The following PPARGC1A variants were observed in gnomAD, a reference collection of about 807,000 sequenced individuals.
The protein encoded by PPARGC1A is peroxisome proliferator-activated receptor gamma coactivator 1-alpha.
In PPARGC1A, 25 loss-of-function variants were observed where a neutral mutation model predicts 88.7. That is an observed-to-expected ratio of 0.28 (90% confidence interval 0.21 to 0.39). The LOEUF is 0.39. PPARGC1A is among the 10% of genes least tolerant of loss of function. PPARGC1A has a pLI of 1.00. For missense variants in PPARGC1A, 880 were observed against 968.7 expected, an observed-to-expected ratio of 0.91 and a Z score of 1.22; for synonymous variants, 363 against 355.6, an observed-to-expected ratio of 1.02 and a Z score of -0.24.
At chr4:24,469,782 T>C in the PPARGC1A span, among the ~76,000 whole-genome samples, 1 of 152,112 alleles carries the variant, frequency 6.6e-6, no homozygotes, top group Non-Finnish European at 1.5e-5. Context: ...CCGGTAGTTT[T>C]CCTCTTTTTA....
At chr4:24,448,710 C>T in the PPARGC1A span, among the ~76,000 whole-genome samples, 13 of 152,134 alleles carry the variant, frequency 8.5e-5, no homozygotes, top group African/African-American at 2.2e-4. Context: ...AGGTTAATCA[C>T]GACCTTTCCA....
the PPARGC1A span, among the ~76,000 whole-genome samples, chr4:24,466,985 A>G: frequency 2.3e-3 from 319 of 136,218 alleles, 7 homozygotes; most frequent in Middle Eastern, 0.011. Flanking sequence ...AAAGAAAGAA[A>G]GGAGGGAGGG....
the PPARGC1A span, among the ~76,000 whole-genome samples, chr4:24,454,742 A>AG: frequency 7.7e-4 from 117 of 152,102 alleles, no homozygotes; most frequent in African/African-American, 2.6e-3. Context: ...TGTCTCAAAA[A>AG]AAAAAAAATC....
chr4:24,329,462 T>C, the PPARGC1A span, among the ~76,000 whole-genome samples: 1 of 152,038 alleles, frequency 6.6e-6, no homozygotes, highest in Non-Finnish European at 1.5e-5. Flanking sequence ...TCAACCACAA[T>C]GGCCACCACT....
At chr4:24,395,184 C>T in the PPARGC1A span, among the ~76,000 whole-genome samples, 1 of 151,810 alleles carries the variant, frequency 6.6e-6, no homozygotes, top group African/African-American at 2.4e-5. Context: ...TAAAAACCCT[C>T]CCAAAGGAAA....
the PPARGC1A span, among the ~76,000 whole-genome samples, chr4:24,314,254 T>C: frequency 2.6e-5 from 4 of 152,194 alleles, no homozygotes; most frequent in Non-Finnish European, 5.9e-5. Context: ...TGAATGTTCT[T>C]GTCCCCTCCA....
chr4:24,401,176 G>A, the PPARGC1A span, among the ~76,000 whole-genome samples: 2 of 151,560 alleles, frequency 1.3e-5, no homozygotes, highest in Non-Finnish European at 1.5e-5. Context: ...CCACCACTAC[G>A]CCCGGCTAAT....
chr4:24,379,465 T>TAAAC, the PPARGC1A span, among the ~76,000 whole-genome samples: 1 of 151,896 alleles, frequency 6.6e-6, no homozygotes, highest in Non-Finnish European at 1.5e-5. Context: ...AGAAATTAGA[T>TAAAC]AAACAGGCAA....
the PPARGC1A span, among the ~76,000 whole-genome samples, chr4:24,296,052 GTGTATATA>G: frequency 3.3e-5 from 5 of 150,564 alleles, no homozygotes; most frequent in African/African-American, 4.9e-5. Flanking sequence ...ATGTGTGTAT[GTGTATATA>G]TGTGTATATG....
chr4:24,460,411 G>A, the PPARGC1A span, among the ~76,000 whole-genome samples: 3 of 152,280 alleles, frequency 2.0e-5, no homozygotes, highest in African/African-American at 7.2e-5. Context: ...TACTAGCACA[G>A]TGAAAGAATG....
intron 2 of PPARGC1A, among the ~76,000 whole-genome samples, chr4:23,846,850 T>C (rs1407442364): frequency 6.6e-6 from 1 of 152,204 alleles, no homozygotes; most frequent in Non-Finnish European, 1.5e-5. Context: ...TCTATTTGTA[T>C]TTATGTAAAG....
chr4:24,004,677 C>T, the PPARGC1A span, among the ~76,000 whole-genome samples: 30 of 152,004 alleles, frequency 2.0e-4, no homozygotes, highest in Admixed American at 1.4e-3. Context: ...TACTGGTCTT[C>T]GGTAAAAGCT....
chr4:24,393,291 A>T, the PPARGC1A span, among the ~76,000 whole-genome samples: 2 of 152,210 alleles, frequency 1.3e-5, no homozygotes, highest in African/African-American at 4.8e-5. Context: ...AATTGTGAAC[A>T]TGAATTTCAA....
At chr4:24,200,881 G>C in the PPARGC1A span, among the ~76,000 whole-genome samples, 1 of 152,128 alleles carries the variant, frequency 6.6e-6, no homozygotes, top group Non-Finnish European at 1.5e-5. Context: ...TTGTATTGAA[G>C]TGACTCTGTT....
the PPARGC1A span, among the ~76,000 whole-genome samples, chr4:24,404,106 A>AC: frequency 6.6e-6 from 1 of 151,536 alleles, no homozygotes; most frequent in Non-Finnish European, 1.5e-5. Context: ...TACTAAAAAT[A>AC]AAAAAAATTA....
At chr4:24,240,668 TA>T in the PPARGC1A span, among the ~76,000 whole-genome samples, 1 of 152,206 alleles carries the variant, frequency 6.6e-6, no homozygotes, top group East Asian at 1.9e-4. Context: ...ATGTATTTGC[TA>T]ATATCATCAA....
chr4:24,117,245 C>T, the PPARGC1A span, among the ~76,000 whole-genome samples: 1 of 152,068 alleles, frequency 6.6e-6, no homozygotes, highest in Admixed American at 6.6e-5. Flanking sequence ...GCTTCATGAC[C>T]TTGAGATCAT....
At chr4:24,435,204 T>C in the PPARGC1A span, among the ~76,000 whole-genome samples, 2 of 152,194 alleles carry the variant, frequency 1.3e-5, no homozygotes, top group East Asian at 3.9e-4. Flanking sequence ...AGAACTGTTC[T>C]TCCCTCAGGT....
chr4:24,029,646 C>T, the PPARGC1A span, among the ~76,000 whole-genome samples: 1 of 152,250 alleles, frequency 6.6e-6, no homozygotes, highest in East Asian at 1.9e-4. Flanking sequence ...CTTCTCCATC[C>T]TCCTTTGCAA....
Sources: gnomAD v4.1 joint callset for allele counts (sites outside exome capture counted in the v4.1 genomes callset) on GRCh38, gnomAD v4.1.1 for gene constraint, MANE v1.5 for transcripts, NCBI Gene and HGNC (gene_info 2026-07-23, HGNC 2026-07-21) for gene names.